The following PRRX1 variants were observed in gnomAD, a reference collection of about 807,000 sequenced individuals.
The protein encoded by PRRX1 is paired mesoderm homeobox protein 1.
PRRX1 carries 8 observed loss-of-function variants against 24.0 expected under a neutral mutation model. That is an observed-to-expected ratio of 0.33 (90% confidence interval 0.20 to 0.60). The LOEUF is 0.60. Ranked by LOEUF, PRRX1 falls within the 20% of genes least tolerant of loss-of-function variation. PRRX1 has a pLI of 0.82. For synonymous variants in PRRX1, 160 were observed against 131.7 expected (o/e 1.22, Z -1.47); for missense variants, 281 against 322.4 (o/e 0.87, Z 0.98).
intron 2 of PRRX1, among the ~76,000 whole-genome samples, chr1:170,724,559 G>T (rs1655191587): frequency 6.6e-6 from 1 of 152,142 alleles, no homozygotes; most frequent in Admixed American, 6.6e-5. Context: ...CCCATAGCTT[G>T]TTTTTGTCAG....
chr1:170,712,037 T>A (rs1010563726), intron 1 of PRRX1, among the ~76,000 whole-genome samples: 2 of 152,172 alleles, frequency 1.3e-5, no homozygotes, highest in African/African-American at 4.8e-5. Context: ...CAAAAGCAAA[T>A]AGGCTGGGAA....
At chr1:170,702,703 AT>A (rs1654426498) in intron 1 of PRRX1, among the ~76,000 whole-genome samples, 1 of 152,194 alleles carries the variant, frequency 6.6e-6, no homozygotes, top group Non-Finnish European at 1.5e-5. Flanking sequence ...AAACGCTCAA[AT>A]TTAAAATTTT....
chr1:170,666,417 CAAAAAA>C (rs35075394), intron 1 of PRRX1, among the ~76,000 whole-genome samples: 2 of 75,942 alleles, frequency 2.6e-5, no homozygotes, highest in African/African-American at 5.3e-5. Context: ...GACTCCGTCT[CAAAAAA>C]AAAAAAAAAA....
intron 1 of PRRX1, among the ~76,000 whole-genome samples, chr1:170,715,439 T>C (rs544359243): frequency 6.6e-6 from 1 of 152,272 alleles, no homozygotes; most frequent in South Asian, 2.1e-4. Flanking sequence ...GAACCATAAT[T>C]TTTAAAAAGT....
At chr1:170,679,594 C>T (rs976568532) in intron 1 of PRRX1, among the ~76,000 whole-genome samples, 7 of 151,948 alleles carry the variant, frequency 4.6e-5, no homozygotes, top group African/African-American at 9.7e-5. Context: ...AGAGACGGGG[C>T]TTCACCGTGT....
chr1:170,722,940 G>A (rs1655134812), intron 2 of PRRX1, among the ~76,000 whole-genome samples: 1 of 152,230 alleles, frequency 6.6e-6, no homozygotes, highest in South Asian at 2.1e-4. Context: ...TGAGCACAGG[G>A]TAGGAGCTGG....
At chr1:170,696,814 G>A (rs1654185552) in intron 1 of PRRX1, among the ~76,000 whole-genome samples, 1 of 152,128 alleles carries the variant, frequency 6.6e-6, no homozygotes, top group Non-Finnish European at 1.5e-5. Context: ...AAAAATCCCT[G>A]GGCCTCACTG....
In PRRX1 at chr1:170,737,092, C is replaced by A. The variant is rs1434507031; in HGVS notation, c.*906C>A. ...TGAGTTCTAAAAGGCATGCCCACATCTCTTTCGTGCCTTAAGGATAGTGAG... is the reference window on the plus strand; with the variant it reads ...TGAGTTCTAAAAGGCATGCCCACATATCTTTCGTGCCTTAAGGATAGTGAG... On this transcript the variant is annotated 3_prime_UTR_variant, in exon 4 of 4. Coordinates refer to ENST00000239461, the MANE Select transcript of PRRX1 (RefSeq NM_022716.4). The A allele has an allele frequency of 1.1e-5, 2 of 180,454 alleles. No individual in the cohort carries two copies. The highest frequency in any genetic ancestry group is 2.4e-5 in the Non-Finnish European group (2 of 84,778). The allele number at this position is 180,454 out of a possible 1,614,324, so 11.2% of individuals were successfully genotyped here. A position where few individuals can be genotyped will look rare whatever the true frequency, so the allele number is the denominator to read the frequency against.
At chr1:170,669,921 C>T (rs928363453) in intron 1 of PRRX1, among the ~76,000 whole-genome samples, 7 of 152,106 alleles carry the variant, frequency 4.6e-5, no homozygotes, top group African/African-American at 9.7e-5. Context: ...GATTGCATTT[C>T]GCTTATTTTT....
chr1:170,676,798 T>C (rs762628635), intron 1 of PRRX1, among the ~76,000 whole-genome samples: 1 of 152,212 alleles, frequency 6.6e-6, no homozygotes, highest in South Asian at 2.1e-4. Flanking sequence ...GGTGAAATCA[T>C]ACTGAGTTAG....
intron 1 of PRRX1, among the ~76,000 whole-genome samples, chr1:170,690,376 G>C (rs1256741720): frequency 6.6e-6 from 1 of 152,094 alleles, no homozygotes; most frequent in Admixed American, 6.6e-5. Flanking sequence ...CATCATGGGA[G>C]ATATGAACTA....
chr1:170,686,132 AC>A (rs1348496981), intron 1 of PRRX1, among the ~76,000 whole-genome samples: 1 of 135,142 alleles, frequency 7.4e-6, no homozygotes, highest in Non-Finnish European at 1.6e-5. Context: ...ATGATTTAAA[AC>A]AACATTACAT....
intron 1 of PRRX1, among the ~76,000 whole-genome samples, chr1:170,683,042 T>C (rs919801796): frequency 1.3e-5 from 2 of 152,142 alleles, no homozygotes; most frequent in Non-Finnish European, 2.9e-5. Context: ...CAGAGAGATA[T>C]GTAGGGGCTA....
At chr1:170,672,832 G>T (rs1653184368) in intron 1 of PRRX1, among the ~76,000 whole-genome samples, 1 of 152,140 alleles carries the variant, frequency 6.6e-6, no homozygotes, top group African/African-American at 2.4e-5. Flanking sequence ...TGTTAGATTT[G>T]GTTTGGGCCG....
intron 1 of PRRX1, chr1:170,667,983 C>G (rs1220537088): frequency 6.6e-6 from 1 of 151,924 alleles, no homozygotes; most frequent in South Asian, 2.1e-4. Context: ...CCCCACCCCA[C>G]TCACCATCAG....
chr1:170,696,497 A>G (rs1392545556), intron 1 of PRRX1, among the ~76,000 whole-genome samples: 1 of 152,200 alleles, frequency 6.6e-6, no homozygotes, highest in African/African-American at 2.4e-5. Context: ...GTTTATAAGT[A>G]AAAATACCTC....
At chr1:170,669,832 A>T (rs1653087426) in intron 1 of PRRX1, among the ~76,000 whole-genome samples, 1 of 152,030 alleles carries the variant, frequency 6.6e-6, no homozygotes, top group South Asian at 2.1e-4. Context: ...ATATGAATGT[A>T]TTTTTCCCCC....
intron 1 of PRRX1, among the ~76,000 whole-genome samples, chr1:170,674,664 T>G (rs1016920544): frequency 6.6e-6 from 1 of 152,170 alleles, no homozygotes; most frequent in Non-Finnish European, 1.5e-5. Flanking sequence ...AAGCAAATTT[T>G]TTTTTTTTTG....
intron 3 of PRRX1, chr1:170,730,346 A>C (rs779422989): frequency 6.2e-7 from 1 of 1,607,188 alleles, no homozygotes; most frequent in South Asian, 1.1e-5. Flanking sequence ...AGACACTGAA[A>C]AGGTAACTTG....
Sources: allele counts gnomAD v4.1 joint callset (sites outside exome capture counted in the v4.1 genomes callset), GRCh38; gene constraint gnomAD v4.1.1; transcripts MANE v1.5; gene names NCBI Gene and HGNC (gene_info 2026-07-23, HGNC 2026-07-21).